ITGB3BP: variants seen among roughly 807,000 people sequenced by gnomAD.
The protein encoded by ITGB3BP is integrin subunit beta 3 binding protein.
ITGB3BP carries 27 observed loss-of-function variants against 29.1 expected under a neutral mutation model. The observed-to-expected ratio is 0.93, with a 90% CI of 0.68 to 1.28. The LOEUF (loss-of-function observed/expected upper bound fraction) is 1.28. ITGB3BP is among the 50% of genes most tolerant of loss of function. The pLI is 0.00. For synonymous variants in ITGB3BP, 61 were observed against 61.4 expected, an observed-to-expected ratio of 0.99 and a Z score of 0.03; for missense variants, 192 against 200.2, an observed-to-expected ratio of 0.96 and a Z score of 0.25.
intron 1 of ITGB3BP, among the ~76,000 whole-genome samples, chr1:63,509,294 A>G (rs1276240339): frequency 6.6e-6 from 1 of 152,244 alleles, no homozygotes; most frequent in Non-Finnish European, 1.5e-5. Context: ...TCTTCTAAAG[A>G]GCAGTCATCA....
At chr1:63,475,538 G>C (rs938328770) in intron 4 of ITGB3BP, among the ~76,000 whole-genome samples, 1 of 152,158 alleles carries the variant, frequency 6.6e-6, no homozygotes, top group African/African-American at 2.4e-5. Flanking sequence ...ATGGGTGACA[G>C]AGCATGACTC....
At chr1:63,508,667 T>G (rs1158779812) in intron 1 of ITGB3BP, 97 bp from the exon 2 acceptor site, 1 of 552,756 alleles carries the variant, frequency 1.8e-6, no homozygotes, top group Admixed American at 3.8e-5. Context: ...GATTCTTAGT[T>G]CTACCAACCA....
At chr1:63,463,211 T>C (rs1338380393) in intron 4 of ITGB3BP, among the ~76,000 whole-genome samples, 1 of 130,644 alleles carries the variant, frequency 7.7e-6, no homozygotes, top group African/African-American at 2.8e-5. Flanking sequence ...ATCATGCCAT[T>C]GCACTCCAGC....
At chr1:63,505,920 T>C (rs1298408156) in intron 2 of ITGB3BP, among the ~76,000 whole-genome samples, 1 of 152,078 alleles carries the variant, frequency 6.6e-6, no homozygotes, top group Non-Finnish European at 1.5e-5. Flanking sequence ...TGCTGAGGAG[T>C]GCTTTACTTC....
intron 2 of ITGB3BP, among the ~76,000 whole-genome samples, chr1:63,501,862 GA>G (rs137977362): frequency 1.9e-3 from 256 of 131,698 alleles, no homozygotes; most frequent in African/African-American, 3.0e-3. Context: ...GCCCTGTCTC[GA>G]AAAAAAAAAA....
At chr1:63,466,651 A>G (rs1645104968) in intron 4 of ITGB3BP, among the ~76,000 whole-genome samples, 1 of 152,212 alleles carries the variant, frequency 6.6e-6, no homozygotes, top group African/African-American at 2.4e-5. Context: ...ACAAAGGCAA[A>G]AAGTTTTATC....
chr1:63,442,632 A>C (rs1244174820), intron 8 of ITGB3BP: 2 of 152,226 alleles, frequency 1.3e-5, no homozygotes, highest in Non-Finnish European at 1.5e-5. Flanking sequence ...AGTTACCCCA[A>C]GCTTCTACTA....
chr1:63,496,602 A>G (rs554871991), intron 2 of ITGB3BP, among the ~76,000 whole-genome samples: 19 of 152,354 alleles, frequency 1.2e-4, no homozygotes, highest in Non-Finnish European at 1.8e-4. Flanking sequence ...CAGCTGCTCC[A>G]GGTCTGCAAA....
At chr1:63,486,410 A>G (rs544827065) in intron 3 of ITGB3BP, among the ~76,000 whole-genome samples, 2 of 152,040 alleles carry the variant, frequency 1.3e-5, no homozygotes, top group Non-Finnish European at 2.9e-5. Flanking sequence ...CTTAACTACC[A>G]ATAGCCTACT....
At position 63,468,165 on chromosome 1, in the gene ITGB3BP, A is replaced by G. The variant is rs763306049; in HGVS notation, c.254+10599T>C. On this transcript the variant is annotated intron_variant, in intron 4 of 8. Transcript: ENST00000271002. ...GTATCATCTTTGCTTGAAGATCTCC[A>G]TCTGAGAAGTAGTCTCTTTTCCTAC... 4.6e-5 allele frequency among the ~76,000 whole-genome samples: 7 copies of G among 152,174 alleles called. No homozygotes were observed. The South Asian group carries it at 1.4e-3, about 32-fold the overall frequency.
chr1:63,514,943 T>G (rs1343487221), intron 1 of ITGB3BP, among the ~76,000 whole-genome samples: 2 of 25,408 alleles, frequency 7.9e-5, no homozygotes, highest in African/African-American at 2.1e-4. Flanking sequence ...AGACTCTGTC[T>G]CAAAAAAAAA....
At chr1:63,507,885 G>A (rs1308464256) in intron 2 of ITGB3BP, among the ~76,000 whole-genome samples, 1 of 152,042 alleles carries the variant, frequency 6.6e-6, no homozygotes, top group Non-Finnish European at 1.5e-5. Flanking sequence ...AGATTACTGA[G>A]GTCATAAGTA....
intron 1 of ITGB3BP, among the ~76,000 whole-genome samples, chr1:63,520,308 G>A (rs555657703): frequency 9.2e-5 from 14 of 152,258 alleles, no homozygotes; most frequent in Admixed American, 2.0e-4. Context: ...ACAGACTCAA[G>A]ATTCAAATCC....
At chr1:63,456,395 C>A (rs1189694323) in intron 4 of ITGB3BP, among the ~76,000 whole-genome samples, 1 of 151,908 alleles carries the variant, frequency 6.6e-6, no homozygotes, top group East Asian at 1.9e-4. Flanking sequence ...CTGTCTGAGG[C>A]CCTGATTGCT....
chr1:63,452,174 A>C (rs1644869103), intron 7 of ITGB3BP: 1 of 152,142 alleles, frequency 6.6e-6, no homozygotes, highest in Non-Finnish European at 1.5e-5. Flanking sequence ...GGAAGGAAAA[A>C]TATTTTAATG....
At chr1:63,508,383 G>C in intron 2 of ITGB3BP, 145 bp downstream of exon 2, 1 of 463,752 alleles carries the variant, frequency 2.2e-6, no homozygotes, top group South Asian at 4.9e-5. Flanking sequence ...CTTATATGCA[G>C]AAAATGGTGT....
intron 2 of ITGB3BP, among the ~76,000 whole-genome samples, chr1:63,502,513 C>T (rs370423327): frequency 1.4e-5 from 2 of 141,994 alleles, no homozygotes; most frequent in African/African-American, 2.6e-5. Context: ...AAAGGCACTT[C>T]TTTTTTTTTT....
intron 7 of ITGB3BP, among the ~76,000 whole-genome samples, chr1:63,450,262 A>G (rs1282947950): frequency 6.6e-6 from 1 of 151,990 alleles, no homozygotes; most frequent in African/African-American, 2.4e-5. Context: ...TAAAATATGC[A>G]TACTGCAACC....
chr1:63,474,324 G>T (rs1645287913), intron 4 of ITGB3BP, among the ~76,000 whole-genome samples: 1 of 147,056 alleles, frequency 6.8e-6, no homozygotes, highest in South Asian at 2.2e-4. Context: ...GGTGAGGGGC[G>T]CTTCTGCCCG....
Sources: allele counts gnomAD v4.1 joint callset (sites outside exome capture counted in the v4.1 genomes callset), GRCh38; gene constraint gnomAD v4.1.1; transcripts MANE v1.5; gene names NCBI Gene and HGNC (gene_info 2026-07-23, HGNC 2026-07-21).